Variants in DES observed in about 807,000 individuals in gnomAD.
The protein encoded by DES is cardiomyopathy, dilated 1F (autosomal dominant).
Under a neutral mutation model 55.1 loss-of-function variants are expected in DES, and 34 were observed. The observed-to-expected ratio is 0.62, with a 90% CI of 0.47 to 0.82. DES has a LOEUF of 0.82. Among genes scored for constraint, DES ranks in the 40% least tolerant of loss-of-function variants. The pLI is 0.00. For missense variants in DES, 596 were observed against 645.9 expected, an observed-to-expected ratio of 0.92 and a Z score of 0.84; for synonymous variants, 259 against 270.8, an observed-to-expected ratio of 0.96 and a Z score of 0.43.
chr2:219,424,577 G>A lies in DES; in HGVS notation c.1288+757G>A, dbSNP rs546915479. 2.0e-5 allele frequency among the ~76,000 whole-genome samples: 3 copies of A among 152,308 alleles called. No individual in the cohort carries two copies. The East Asian group carries it at 5.8e-4, about 29-fold the overall frequency. On this transcript the variant is annotated intron_variant, in intron 7 of 8. Coordinates refer to ENST00000373960, the MANE Select transcript of DES (RefSeq NM_001927.4). The stretch of plus-strand genomic sequence containing the variant: ...GGCTGGTTGCTAGCTAAGGAAATTC[G>A]TAAGCACCAAACTCATAATACCAAG...
rs397516692 is a variant in DES, at chr2:219,418,655, G to A, written c.193G>A (p.Gly65Ser). Residue 65 changes from glycine (G) to serine (S), a missense_variant, in exon 1 of 9, where the codon GGC becomes AGC. Transcript: ENST00000373960. ...GTCGCGCACGTCGGGCGGGGCCGGG[G>A]GCCTGGGGTCGCTGCGGGCCAGCCG... ...QVSRTSGGAG[G>S]LGSLRASRLG... 23 of 1,593,166 alleles carry A rather than the reference G, an allele frequency of 1.4e-5. No individual in the cohort carries two copies. The African/African-American group carries it at 2.0e-4, about 14-fold the overall frequency.
chr2:219,424,157 G>A (rs1271159539), intron 7 of DES, among the ~76,000 whole-genome samples: 1 of 152,184 alleles, frequency 6.6e-6, no homozygotes, highest in South Asian at 2.1e-4. Flanking sequence ...GGCTTCAGGA[G>A]CATCTCATAC....
chr2:219,419,300 C>T lies in DES; in HGVS notation c.578+260C>T, dbSNP rs1310667118. Among the ~76,000 whole-genome samples, 3 of 152,192 alleles carry T rather than the reference C, an allele frequency of 2.0e-5. No individual in the cohort carries two copies. The East Asian group carries it at 5.8e-4, about 29-fold the overall frequency. ...TGGATATGGGAGAATTTAGGGGACC[C>T]GGTGCCCTGTGGACAGCCCCGTTAA... On this transcript the variant is annotated intron_variant, in intron 1 of 8. Transcript: ENST00000373960. This position sits in a 1 kb window ranked among gnomAD's most constrained non-coding sequence, Gnocchi z 4.3.
intron 6 of DES, 74 bp from the exon 7 acceptor site, chr2:219,423,703 T>A (rs1256774143): frequency 6.7e-7 from 1 of 1,484,182 alleles, no homozygotes; most frequent in Non-Finnish European, 9.4e-7. Context: ...CCTTTCAAAG[T>A]GCTGGGATTA....
intron 7 of DES, 117 bp from the exon 8 acceptor site, chr2:219,425,546 G>T (rs1309531207): frequency 3.5e-6 from 3 of 854,252 alleles, no homozygotes; most frequent in Non-Finnish European, 3.9e-6. Flanking sequence ...AGCCTGTCTT[G>T]AGGGGGGTTG....
In DES at chr2:219,419,903, A is replaced by C; in HGVS notation, c.579-192A>C. 1.5e-6 allele frequency: 1 copy of C among 666,252 alleles called. No individual in the cohort carries two copies. The allele number at this position is 666,252 out of a possible 1,614,324, so 41.3% of individuals were successfully genotyped here. A position where few individuals can be genotyped will look rare whatever the true frequency, so the allele number is the denominator to read the frequency against. ...GACTTCAAGGGTGTGGCTCCTGGGC[A>C]GAGATTGGGCCACTTCCTGTGCCCT... On this transcript the variant is annotated intron_variant, in intron 1 of 8. Transcript: ENST00000373960. The surrounding 1 kb of genome is among the most constrained non-coding windows in gnomAD (Gnocchi z 4.3).
At position 219,420,866 on chromosome 2, in the gene DES, C is replaced by T. The variant is rs769213907; in HGVS notation, c.936C>T (p.Asp312=). ...CCCAGGCAGCCAACAAGAACAACGA[C>T]GCCCTGCGCCAGGCCAAGCAGGAGA... ...DLTQAANKNN[D]ALRQAKQEMM... The change falls in exon 5 of 9, where the codon GAC becomes GAT. Residue 312 remains aspartate, a synonymous_variant. Transcript: ENST00000373960. The surrounding 1 kb of genome is among the most constrained non-coding windows in gnomAD (Gnocchi z 6.0). 12 of 1,613,732 alleles carry T rather than the reference C, an allele frequency of 7.4e-6. No individual in the cohort carries two copies. Among genetic ancestry groups the T allele is most frequent in the African/African-American group, 6.7e-5 (5 of 74,902 alleles).
intron 5 of DES, 49 bp downstream of exon 5, chr2:219,421,002 T>G (rs1206473844): frequency 6.3e-7 from 1 of 1,597,792 alleles, no homozygotes; most frequent in African/African-American, 1.3e-5. Flanking sequence ...TGTCTGCAGT[T>G]CACACCCTCA....
intron 5 of DES, 65 bp downstream of exon 5, chr2:219,421,018 T>G: frequency 2.5e-6 from 4 of 1,582,764 alleles, no homozygotes; most frequent in Non-Finnish European, 3.4e-6. Context: ...CCTCACTTTG[T>G]GACCTTGGGC....
At position 219,420,588 on chromosome 2, in the gene DES, A is replaced by T; in HGVS notation, c.829A>T (p.Ile277Phe). 1.9e-6 allele frequency: 3 copies of T among 1,614,068 alleles called. No homozygotes were observed. The highest frequency in any genetic ancestry group is 2.5e-6 in the Non-Finnish European group (3 of 1,180,004). ...AGACCTCACTGCCGCCCTCAGGGAC[A>T]TCCGGGCTCAGTATGAGACCATCGC... Reference protein sequence around the residue: ...KPDLTAALRDIRAQYETIAAK... With the variant: ...KPDLTAALRDFRAQYETIAAK... Residue 277 changes from isoleucine (I) to phenylalanine (F), a missense_variant, in exon 4 of 9, where the codon ATC becomes TTC. Transcript: ENST00000373960. This position sits in a 1 kb window ranked among gnomAD's most constrained non-coding sequence, Gnocchi z 6.0.
chr2:219,421,998 TATTA>T (rs1338475349), intron 6 of DES, among the ~76,000 whole-genome samples: 1 of 152,184 alleles, frequency 6.6e-6, no homozygotes, highest in African/African-American at 2.4e-5. Flanking sequence ...GCCACTGCTC[TATTA>T]ATTGCAGAGA....
Position 219,419,191 on chromosome 2 carries a change from G to A in DES, c.578+151G>A. On this transcript the variant is annotated intron_variant, in intron 1 of 8. Coordinates refer to ENST00000373960, the MANE Select transcript of DES (RefSeq NM_001927.4). The surrounding 1 kb of genome is among the most constrained non-coding windows in gnomAD (Gnocchi z 4.3). ...TGGAGAAAGGGTCCTCCACCTGTGT[G>A]TTTCAAGGGGCCGTGACCTCCAGGT... 7.0e-7 allele frequency: 1 copy of A among 1,438,342 alleles called. No individual in the cohort carries two copies. Among genetic ancestry groups the A allele is most frequent in the Non-Finnish European group, 9.2e-7 (1 of 1,087,184 alleles). The allele number at this position is 1,438,342 out of a possible 1,614,324, so 89.1% of individuals were successfully genotyped here.
rs1181341015 is a variant in DES, at chr2:219,425,820, C to A, written c.1371+75C>A. 2.5e-6 allele frequency: 4 copies of A among 1,598,322 alleles called. 1 individual carries two copies. The highest frequency in any genetic ancestry group is 2.7e-5 in the African/African-American group (2 of 74,666). ...TCTGGGGGGACTGTCTTCCACCCAG[C>A]TGTGCTGGTCTAGGTCCCTGGCTAG... On this transcript the variant is annotated intron_variant, in intron 8 of 8. Coordinates refer to ENST00000373960, the MANE Select transcript of DES (RefSeq NM_001927.4).
At position 219,420,434 on chromosome 2, in the gene DES, A is replaced by G; in HGVS notation, c.736-61A>G. On this transcript the variant is annotated intron_variant, in intron 3 of 8. Coordinates refer to ENST00000373960, the MANE Select transcript of DES (RefSeq NM_001927.4). The surrounding 1 kb of genome is among the most constrained non-coding windows in gnomAD (Gnocchi z 6.0). ...TTGGGGTGAGGCTCTGGCTGGGAAT[A>G]GGGGTGTGAGGGTGCTGTGTGGGCC... 3.1e-6 allele frequency: 5 copies of G among 1,612,778 alleles called. No homozygotes were observed. Among genetic ancestry groups the G allele is most frequent in the South Asian group, 1.1e-5 (1 of 90,956 alleles).
Position 219,426,240 on chromosome 2 carries a change from C to T in DES, c.*250C>T. ...GCCTTGGCTGTTGGCAGTGAGTGAG[C>T]CTGGCTCTTGTGCTGGATGGAGCCC... On this transcript the variant is annotated 3_prime_UTR_variant, in exon 9 of 9. Transcript: ENST00000373960. This position sits in a 1 kb window ranked among gnomAD's most constrained non-coding sequence, Gnocchi z 4.5. The T allele has an allele frequency of 3.2e-6, 2 of 628,162 alleles. No individual in the cohort carries two copies. Among genetic ancestry groups the T allele is most frequent in the African/African-American group, 3.6e-5 (2 of 55,684 alleles). The allele number at this position is 628,162 out of a possible 1,614,324, so 38.9% of individuals were successfully genotyped here. A position where few individuals can be genotyped will look rare whatever the true frequency, so the allele number is the denominator to read the frequency against.
chr2:219,425,377 G>A (rs2125171710), intron 7 of DES: 1 of 453,886 alleles, frequency 2.2e-6, no homozygotes, highest in Admixed American at 3.4e-5. Flanking sequence ...GTGCAGCCTG[G>A]GCCTCAGGTG....
chr2:219,420,200 T>C lies in DES; in HGVS notation c.639+45T>C, dbSNP rs1402345708. ...CCTTGCATGGCCTCTGGCCTTGCTC[T>C]GCCCCACCTGGGTGGCGGTGACCAT... On this transcript the variant is annotated intron_variant, in intron 2 of 8. Coordinates refer to ENST00000373960, the MANE Select transcript of DES (RefSeq NM_001927.4). This position sits in a 1 kb window ranked among gnomAD's most constrained non-coding sequence, Gnocchi z 6.0. 1 of 1,613,960 alleles carries C rather than the reference T, an allele frequency of 6.2e-7. No individual in the cohort carries two copies. Among genetic ancestry groups the C allele is most frequent in the South Asian group, 1.1e-5 (1 of 91,086 alleles).
chr2:219,424,527 C>G (rs1236077799), intron 7 of DES, among the ~76,000 whole-genome samples: 1 of 152,224 alleles, frequency 6.6e-6, no homozygotes, highest in African/African-American at 2.4e-5. Context: ...ACGCTGCGCT[C>G]CAGCGAGTCA....
rs1954382676 is a variant in DES, at chr2:219,419,006, A to C, written c.544A>C (p.Asn182His). The stretch of plus-strand genomic sequence containing the variant: ...CGCGCGCGTCGACGTCGAGCGCGAC[A>C]ACCTGCTCGACGACCTGCAGCGGCT... ...QRARVDVERD[N>H]LLDDLQRLKA... is the part of the protein sequence containing the mutation. Residue 182 changes from asparagine to histidine, a missense_variant, in exon 1 of 9, where the codon AAC becomes CAC. Asn to His is a moderately conservative substitution (Grantham distance 68, BLOSUM62 1). Transcript: ENST00000373960. The surrounding 1 kb of genome is among the most constrained non-coding windows in gnomAD (Gnocchi z 4.3). 1 of 1,547,200 alleles carries C rather than the reference A, an allele frequency of 6.5e-7. No individual in the cohort carries two copies. The highest frequency in any genetic ancestry group is 2.4e-5 in the East Asian group (1 of 40,970).
Sources: gnomAD v4.1 joint callset for allele counts (sites outside exome capture counted in the v4.1 genomes callset) on GRCh38, gnomAD v4.1.1 for gene constraint, Gnocchi (gnomAD v3.1) non-coding constraint, MANE v1.5 for transcripts, NCBI Gene and HGNC (gene_info 2026-07-23, HGNC 2026-07-21) for gene names.